The following SAMD4A variants were observed in gnomAD, a reference collection of about 807,000 sequenced individuals.
The protein encoded by SAMD4A is sterile alpha motif domain containing 4A.
SAMD4A carries 33 observed loss-of-function variants against 81.3 expected under a neutral mutation model. The observed-to-expected ratio is 0.41, with a 90% CI of 0.31 to 0.54. The LOEUF (loss-of-function observed/expected upper bound fraction) is 0.54, where lower values mean the gene tolerates loss of function less well. Ranked by LOEUF, SAMD4A falls within the 20% of genes least tolerant of loss-of-function variation. SAMD4A has a pLI of 0.37. For missense variants in SAMD4A, 854 were observed against 951.1 expected, an observed-to-expected ratio of 0.90 and a Z score of 1.34; for synonymous variants, 389 against 382.1, an observed-to-expected ratio of 1.02 and a Z score of -0.21.
intron 3 of SAMD4A, among the ~76,000 whole-genome samples, chr14:54,705,615 C>T (rs956649695): frequency 3.3e-5 from 5 of 151,926 alleles, no homozygotes; most frequent in Non-Finnish European, 7.4e-5. Flanking sequence ...TGGTTTATTC[C>T]ACTGCTATTT....
At chr14:54,647,958 T>C (rs1472030032) in intron 2 of SAMD4A, among the ~76,000 whole-genome samples, 1 of 152,126 alleles carries the variant, frequency 6.6e-6, no homozygotes, top group Non-Finnish European at 1.5e-5. Context: ...TGCATAAAAG[T>C]GGAATGCCCT....
At position 54,789,395 on chromosome 14, in the gene SAMD4A, A is replaced by G. The variant is rs2039221330; in HGVS notation, c.*451A>G. 1 of 176,270 alleles carries G rather than the reference A, an allele frequency of 5.7e-6. No homozygotes were observed. Among genetic ancestry groups the G allele is most frequent in the South Asian group, 1.4e-4 (1 of 6,972 alleles). 10.9% of individuals were successfully genotyped at this position (176,270 alleles called of 1,614,324 possible). On this transcript the variant is annotated 3_prime_UTR_variant, in exon 13 of 13. Transcript: ENST00000554335. ...AGGATATCGCGGGCACGTGCACCCA[A>G]AGCAAGATAGTGGCTTCCCTTTTAT...
At chr14:54,742,993 C>A (rs1232104254) in intron 4 of SAMD4A, among the ~76,000 whole-genome samples, 1 of 152,148 alleles carries the variant, frequency 6.6e-6, no homozygotes, top group Admixed American at 6.5e-5. Context: ...GTTTTCAGTT[C>A]TTTTTGAAAT....
chr14:54,773,729 G>T (rs1286890262), intron 9 of SAMD4A, among the ~76,000 whole-genome samples: 1 of 152,244 alleles, frequency 6.6e-6, no homozygotes, highest in Non-Finnish European at 1.5e-5. Context: ...CCTAGGTCCA[G>T]AACACTTGCA....
chr14:54,626,843 A>T (rs2034775437), intron 2 of SAMD4A, among the ~76,000 whole-genome samples: 2 of 152,200 alleles, frequency 1.3e-5, no homozygotes, highest in Admixed American at 6.5e-5. Flanking sequence ...TGATCTCATA[A>T]TTGAAGTCAG....
intron 3 of SAMD4A, among the ~76,000 whole-genome samples, chr14:54,727,849 C>T (rs2037465952): frequency 6.6e-6 from 1 of 152,246 alleles, no homozygotes; most frequent in Non-Finnish European, 1.5e-5. Context: ...CACGCACTAC[C>T]TAGTTTGTAT....
At chr14:54,718,038 T>C (rs1003922858) in intron 3 of SAMD4A, among the ~76,000 whole-genome samples, 1 of 152,174 alleles carries the variant, frequency 6.6e-6, no homozygotes, top group Non-Finnish European at 1.5e-5. Context: ...AGAGCTATTC[T>C]CTTGCTCCTC....
Position 54,789,094 on chromosome 14 carries a change from T to A in SAMD4A, c.*150T>A, listed in dbSNP as rs945250105. 4 of 803,560 alleles carry A rather than the reference T, an allele frequency of 5.0e-6. No homozygotes were observed. The highest frequency in any genetic ancestry group is 4.4e-5 in the South Asian group (3 of 68,294). The allele number at this position is 803,560 out of a possible 1,614,324, so 49.8% of individuals were successfully genotyped here. A position where few individuals can be genotyped will look rare whatever the true frequency, so the allele number is the denominator to read the frequency against. On this transcript the variant is annotated 3_prime_UTR_variant, in exon 13 of 13. Transcript: ENST00000554335. The stretch of plus-strand genomic sequence containing the variant: ...CTCCCGTTTTGATTTTGTGAGAGCG[T>A]AGGTCATCCTCGTAAACATATCAGT...
intron 2 of SAMD4A, among the ~76,000 whole-genome samples, chr14:54,592,553 G>A (rs978918646): frequency 7.9e-5 from 12 of 152,002 alleles, no homozygotes; most frequent in East Asian, 5.8e-4. Context: ...TCTGCCTCCC[G>A]GGTTCACGCC....
intron 7 of SAMD4A, among the ~76,000 whole-genome samples, chr14:54,764,036 GCACC>G (rs1395033936): frequency 2.6e-5 from 4 of 152,190 alleles, no homozygotes; most frequent in Non-Finnish European, 2.9e-5. Context: ...CGCTGTCTCT[GCACC>G]TGGCGAGGGG....
intron 4 of SAMD4A, among the ~76,000 whole-genome samples, chr14:54,739,518 CAAA>C (rs11301120): frequency 1.6e-4 from 21 of 135,320 alleles, no homozygotes; most frequent in Non-Finnish European, 1.6e-4. Context: ...AGTTAAATGG[CAAA>C]AAAAAAAAAA....
rs1479032071 is a variant in SAMD4A at position 54,702,266 on chromosome 14, C to T, written c.401C>T (p.Ala134Val). 3 of 1,614,078 alleles carry T rather than the reference C, an allele frequency of 1.9e-6. No homozygotes were observed. Among genetic ancestry groups the T allele is most frequent in the African/African-American group, 1.3e-5 (1 of 74,934 alleles). The change falls in exon 3 of 13, where the codon GCC (alanine) becomes GTC (valine). Residue 134 changes from alanine to valine, a missense_variant. This residue lies in a region of SAMD4A where 387 missense variants were observed against 405.8 expected (regional missense o/e 0.95). Coordinates refer to ENST00000554335, the MANE Select transcript of SAMD4A (RefSeq NM_015589.6). ...CTGTCCTATGCTTTGATACATCCAG[C>T]CACTTCGTTAGAAGACCGTAGTGCT... is the stretch of plus-strand genomic sequence containing the variant. ...QLLSYALIHP[A>V]TSLEDRSALA...
intron 5 of SAMD4A, among the ~76,000 whole-genome samples, chr14:54,749,784 T>C (rs890638017): frequency 2.6e-5 from 4 of 152,250 alleles, no homozygotes; most frequent in Non-Finnish European, 5.9e-5. Flanking sequence ...CTTTCAGCAA[T>C]GATTTAAAAG....
intron 2 of SAMD4A, among the ~76,000 whole-genome samples, chr14:54,585,423 C>A (rs2033587539): frequency 6.6e-6 from 1 of 152,092 alleles, no homozygotes; most frequent in Non-Finnish European, 1.5e-5. Context: ...ACCATGACAT[C>A]ATTCTTTTTA....
intron 3 of SAMD4A, among the ~76,000 whole-genome samples, chr14:54,724,650 G>A (rs2037368157): frequency 6.6e-6 from 1 of 152,144 alleles, no homozygotes; most frequent in Non-Finnish European, 1.5e-5. Flanking sequence ...GGCAGGTAAG[G>A]AGGAAACAGC....
intron 6 of SAMD4A, among the ~76,000 whole-genome samples, chr14:54,758,723 G>T: frequency 6.6e-6 from 1 of 152,278 alleles, no homozygotes; most frequent in South Asian, 2.1e-4. Context: ...CCAGCTATTC[G>T]GGAGGCTGAG....
chr14:54,699,542 A>G (rs2036659940), intron 2 of SAMD4A, among the ~76,000 whole-genome samples: 1 of 152,214 alleles, frequency 6.6e-6, no homozygotes, highest in South Asian at 2.1e-4. Flanking sequence ...TAAAAAATAC[A>G]TTGGCATTTT....
At chr14:54,618,448 G>A (rs915950963) in intron 2 of SAMD4A, among the ~76,000 whole-genome samples, 3 of 152,270 alleles carry the variant, frequency 2.0e-5, no homozygotes, top group Admixed American at 6.5e-5. Context: ...CTACTGAGAA[G>A]CAATCACAAA....
intron 2 of SAMD4A, among the ~76,000 whole-genome samples, chr14:54,695,673 G>A (rs545204755): frequency 6.7e-6 from 1 of 150,074 alleles, no homozygotes; most frequent in Admixed American, 6.6e-5. Flanking sequence ...GGAGGGTTAG[G>A]GCCGGGCACG....
Sources: allele counts gnomAD v4.1 joint callset (sites outside exome capture counted in the v4.1 genomes callset), GRCh38; gene constraint gnomAD v4.1.1; regional missense constraint gnomAD v4.1.1; transcripts MANE v1.5; gene names NCBI Gene and HGNC (gene_info 2026-07-23, HGNC 2026-07-21).